Variants in PHKB observed in about 807,000 individuals in gnomAD.
PHKB encodes the protein phosphorylase kinase regulatory subunit beta, also known as phosphorylase b kinase regulatory subunit beta.
Under a neutral mutation model 152.1 loss-of-function variants are expected in PHKB, and 122 were observed. That is an observed-to-expected ratio of 0.80 (90% CI 0.69 to 0.93). The LOEUF (loss-of-function observed/expected upper bound fraction) is 0.93. Among genes scored for constraint, PHKB ranks in the 40% least tolerant of loss-of-function variants. The pLI, the probability that PHKB is intolerant of heterozygous loss-of-function variation, is 0.00. For missense variants in PHKB, 1,304 were observed against 1,328.4 expected (o/e 0.98, Z 0.29); for synonymous variants, 436 against 464.9 (o/e 0.94, Z 0.80).
chr16:47,669,321 G>C lies in PHKB; in HGVS notation c.2534G>C (p.Arg845Thr), dbSNP rs762116229. Residue 845 changes from arginine (R) to threonine (T), a missense_variant, in exon 26 of 31, where the codon AGG becomes ACG. Physicochemically the swap from Arg to Thr is moderately conservative, Grantham distance 71. Transcript: ENST00000323584. The stretch of plus-strand genomic sequence containing the variant: ...TATAAGTGTAACACCCATGATGAGA[G>C]GGAAGCGGTCATTCAGCAAGAACTG... ...IYYKCNTHDE[R>T]EAVIQQELVI... is the part of the protein sequence containing the mutation. The C allele has an allele frequency of 5.6e-6, 9 of 1,613,962 alleles. No homozygotes were observed. In the Admixed American group the frequency reaches 1.5e-4, roughly 27 times the overall value.
chr16:47,480,102 C>T (rs1969938239), intron 1 of PHKB, among the ~76,000 whole-genome samples: 1 of 152,128 alleles, frequency 6.6e-6, no homozygotes, highest in South Asian at 2.1e-4. Context: ...AATTAGTGAT[C>T]CCTTCTGTGT....
At chr16:47,585,681 A>G (rs1384982359) in intron 8 of PHKB, among the ~76,000 whole-genome samples, 2 of 152,236 alleles carry the variant, frequency 1.3e-5, no homozygotes, top group African/African-American at 4.8e-5. Context: ...TGGTAACATT[A>G]TAAGATTATT....
intron 7 of PHKB, among the ~76,000 whole-genome samples, chr16:47,562,662 T>C (rs1168754216): frequency 6.6e-6 from 1 of 152,250 alleles, no homozygotes; most frequent in African/African-American, 2.4e-5. Flanking sequence ...TGCCTCAGTC[T>C]TGATGGCTGC....
intron 1 of PHKB, chr16:47,464,168 T>G (rs1969626669): frequency 1.6e-6 from 1 of 624,630 alleles, no homozygotes; most frequent in Non-Finnish European, 2.9e-6. Flanking sequence ...TGTGGCCTAT[T>G]GTGTTCTTCT....
intron 20 of PHKB, among the ~76,000 whole-genome samples, chr16:47,655,087 A>G (rs954584928): frequency 1.2e-4 from 18 of 152,232 alleles, no homozygotes; most frequent in African/African-American, 4.3e-4. Flanking sequence ...TTGAGAAGTC[A>G]GTGAAACAAT....
chr16:47,635,836 C>A (rs1972909562), intron 14 of PHKB, among the ~76,000 whole-genome samples: 2 of 152,202 alleles, frequency 1.3e-5, no homozygotes, highest in Admixed American at 1.3e-4. Flanking sequence ...CATTTTTAAA[C>A]CTGTAAAATG....
chr16:47,590,345 C>G (rs1038090114), intron 10 of PHKB: 2 of 150,322 alleles, frequency 1.3e-5, no homozygotes, highest in African/African-American at 4.9e-5. Context: ...GACTGGAACT[C>G]CAGGGCTCAA....
Position 47,652,126 on chromosome 16 carries a change from C to T in PHKB, c.1971+1205C>T, listed in dbSNP as rs762956996. On this transcript the variant is annotated intron_variant, in intron 20 of 30. Transcript: ENST00000323584. ...ATGTTGGAGGCATTTGTCAGATGTC[C>T]GGTATTCTTTAGCTATTTATTCATT... is the stretch of plus-strand genomic sequence containing the variant. 9.9e-5 allele frequency among the ~76,000 whole-genome samples: 15 copies of T among 151,578 alleles called. No individual in the cohort carries two copies. The East Asian group carries it at 2.1e-3, about 22-fold the overall frequency.
intron 27 of PHKB, among the ~76,000 whole-genome samples, chr16:47,690,472 T>C (rs1217005799): frequency 2.6e-5 from 4 of 152,024 alleles, no homozygotes; most frequent in Admixed American, 2.6e-4. Context: ...AGAAGATAAC[T>C]GAGAAACTGG....
intron 14 of PHKB, among the ~76,000 whole-genome samples, chr16:47,637,362 C>G (rs1340716484): frequency 1.3e-5 from 2 of 152,178 alleles, no homozygotes; most frequent in African/African-American, 4.8e-5. Flanking sequence ...ACGCACCCCC[C>G]ACCCAACACC....
chr16:47,528,707 T>TA lies in PHKB; in HGVS notation c.594+13106_594+13107insA, dbSNP rs200422733. Among the ~76,000 whole-genome samples the TA allele has an allele frequency of 1.4e-3, 207 of 151,122 alleles. 1 individual carries two copies. The highest frequency in any genetic ancestry group is 3.9e-3 in the Admixed American group (59 of 15,206). On this transcript the variant is annotated intron_variant, in intron 6 of 30. Transcript: ENST00000323584. ...ATAAAGGACTTTTTCTTTTTTTTTT[T>TA]TTTTTTATTTTGACGGAGTCTCACT...
chr16:47,673,392 A>G (rs1007004559), intron 26 of PHKB, among the ~76,000 whole-genome samples: 25 of 152,264 alleles, frequency 1.6e-4, no homozygotes, highest in Middle Eastern at 3.4e-3. Context: ...TTTGATAAAC[A>G]TACTTGGTTT....
At chr16:47,678,199 T>A (rs956218175) in intron 26 of PHKB, among the ~76,000 whole-genome samples, 2 of 152,088 alleles carry the variant, frequency 1.3e-5, no homozygotes, top group Admixed American at 1.3e-4. Flanking sequence ...TTCCAAGTCT[T>A]TGCTATTGTG....
intron 14 of PHKB, among the ~76,000 whole-genome samples, chr16:47,622,255 T>G (rs1331921559): frequency 6.6e-6 from 1 of 152,172 alleles, no homozygotes. Flanking sequence ...ATTTACCTAC[T>G]TCACGTTTTT....
chr16:47,592,124 G>A (rs183790265), intron 10 of PHKB, among the ~76,000 whole-genome samples: 1 of 152,318 alleles, frequency 6.6e-6, no homozygotes, highest in East Asian at 1.9e-4. Flanking sequence ...CAGTAGTGCT[G>A]AAGTTGAGAA....
intron 1 of PHKB, among the ~76,000 whole-genome samples, chr16:47,465,616 A>G (rs1357690688): frequency 6.6e-6 from 1 of 152,242 alleles, no homozygotes; most frequent in Non-Finnish European, 1.5e-5. Context: ...AAACTTAGTA[A>G]AACTATAAAG....
At chr16:47,533,128 C>A (rs796766189) in intron 6 of PHKB, among the ~76,000 whole-genome samples, 7 of 152,282 alleles carry the variant, frequency 4.6e-5, no homozygotes, top group African/African-American at 1.7e-4. Flanking sequence ...CTCCTCTCTG[C>A]ACCTGGTTGT....
At chr16:47,625,223 A>T (rs1376238668) in intron 14 of PHKB, among the ~76,000 whole-genome samples, 2 of 152,216 alleles carry the variant, frequency 1.3e-5, no homozygotes, top group Non-Finnish European at 2.9e-5. Context: ...GCAGCAAGAG[A>T]GCCACCATCA....
intron 2 of PHKB, 85 bp from the exon 3 acceptor site, chr16:47,499,671 G>T: frequency 6.6e-7 from 1 of 1,520,134 alleles, no homozygotes. Context: ...GAAGTGGGAT[G>T]AGGAAACCAA....
Sources: gnomAD v4.1 joint callset for allele counts (sites outside exome capture counted in the v4.1 genomes callset) on GRCh38, gnomAD v4.1.1 for gene constraint, MANE v1.5 for transcripts, NCBI Gene and HGNC (gene_info 2026-07-23, HGNC 2026-07-21) for gene names.